Variants in RBFOX1 observed in about 807,000 individuals in gnomAD.
The protein encoded by RBFOX1 is RNA binding fox-1 homolog 1, also known as RNA binding protein fox-1 homolog 1.
RBFOX1 carries 8 observed loss-of-function variants against 57.7 expected under a neutral mutation model. That is an observed-to-expected ratio of 0.14 (90% confidence interval 0.08 to 0.25). The LOEUF is 0.25. Among genes scored for constraint, RBFOX1 ranks in the 10% least tolerant of loss-of-function variants. The pLI is 1.00. For synonymous variants in RBFOX1, 326 were observed against 222.4 expected (o/e 1.47, Z -4.15); for missense variants, 611 against 548.5 (o/e 1.11, Z -1.14).
chr16:7,301,101 A>T (rs11646661), intron 4 of RBFOX1, among the ~76,000 whole-genome samples: 2 of 151,970 alleles, frequency 1.3e-5, no homozygotes, highest in Admixed American at 1.3e-4. Context: ...CAAATTTGCT[A>T]TCCCCAGATG....
chr16:7,663,245 C>G (rs1046374236), intron 12 of RBFOX1, among the ~76,000 whole-genome samples: 2 of 152,198 alleles, frequency 1.3e-5, no homozygotes, highest in African/African-American at 4.8e-5. Flanking sequence ...TAGCTCAGGA[C>G]GATGCACACC....
intron 2 of RBFOX1, among the ~76,000 whole-genome samples, chr16:6,357,705 T>A (rs1040648231): frequency 6.6e-6 from 1 of 152,016 alleles, no homozygotes; most frequent in African/African-American, 2.4e-5. Flanking sequence ...TCCCAGCACT[T>A]TGGGAGTCCT....
chr16:7,387,335 G>A (rs1261766623), intron 4 of RBFOX1, among the ~76,000 whole-genome samples: 3 of 152,066 alleles, frequency 2.0e-5, no homozygotes, highest in Admixed American at 6.6e-5. Context: ...TGAGACCCAG[G>A]TATTTGATTA....
intron 3 of RBFOX1, among the ~76,000 whole-genome samples, chr16:6,872,935 G>C (rs2061197543): frequency 6.6e-6 from 1 of 152,216 alleles, no homozygotes; most frequent in South Asian, 2.1e-4. Flanking sequence ...CCTGACACTT[G>C]CTCTGTTTTA....
intron 14 of RBFOX1, among the ~76,000 whole-genome samples, chr16:7,677,644 T>A (rs1160320267): frequency 6.6e-6 from 1 of 152,224 alleles, no homozygotes; most frequent in Non-Finnish European, 1.5e-5. Flanking sequence ...TCATATTGAA[T>A]GCAACTCCTT....
chr16:5,359,721 G>T (rs763990753), intron 1 of RBFOX1, among the ~76,000 whole-genome samples: 5 of 152,280 alleles, frequency 3.3e-5, no homozygotes, highest in South Asian at 2.1e-4. Context: ...CTGCTGTGCA[G>T]AAGCTTTTTA....
chr16:6,136,204 G>A (rs551407502), intron 1 of RBFOX1, among the ~76,000 whole-genome samples: 2 of 152,212 alleles, frequency 1.3e-5, no homozygotes, highest in African/African-American at 4.8e-5. Context: ...CTGGAGATTC[G>A]GAGGCGATGT....
At chr16:7,064,531 G>A (rs1480110829) in intron 4 of RBFOX1, among the ~76,000 whole-genome samples, 1 of 152,032 alleles carries the variant, frequency 6.6e-6, no homozygotes, top group Non-Finnish European at 1.5e-5. Context: ...CAAACTACAT[G>A]ACCCAAAGGG....
At chr16:7,517,402 A>C (rs1372066826) in intron 4 of RBFOX1, among the ~76,000 whole-genome samples, 1 of 152,106 alleles carries the variant, frequency 6.6e-6, no homozygotes, top group Admixed American at 6.6e-5. Flanking sequence ...GGCATTGACT[A>C]ATGAGACTGA....
intron 3 of RBFOX1, among the ~76,000 whole-genome samples, chr16:6,928,377 C>T (rs1403562192): frequency 1.3e-5 from 2 of 152,012 alleles, no homozygotes; most frequent in Non-Finnish European, 2.9e-5. Context: ...ATTTCTGGAG[C>T]CAACAAAGGG....
At chr16:5,754,092 A>C (rs1165958069) in intron 3 of RBFOX1, among the ~76,000 whole-genome samples, 2 of 152,156 alleles carry the variant, frequency 1.3e-5, no homozygotes, top group East Asian at 3.9e-4. Flanking sequence ...CTTTGTGGGA[A>C]TATTAGGGGC....
chr16:5,321,224 T>G (rs576600833), intron 1 of RBFOX1, among the ~76,000 whole-genome samples: 3 of 152,112 alleles, frequency 2.0e-5, no homozygotes, highest in African/African-American at 7.2e-5. Flanking sequence ...ACTAAAAATG[T>G]CTCCAGACGT....
intron 4 of RBFOX1, among the ~76,000 whole-genome samples, chr16:5,900,313 A>G (rs1038677433): frequency 6.6e-6 from 1 of 152,198 alleles, no homozygotes; most frequent in African/African-American, 2.4e-5. Flanking sequence ...TGATTCATGA[A>G]TGCCTGTAAA....
chr16:5,557,764 T>C (rs2045734746), intron 2 of RBFOX1, among the ~76,000 whole-genome samples: 1 of 152,172 alleles, frequency 6.6e-6, no homozygotes, highest in Non-Finnish European at 1.5e-5. Flanking sequence ...CCCCCAAACC[T>C]GAAGACCCAT....
rs539888031 is a variant in RBFOX1 at position 7,049,767 on chromosome 16, C to T, written c.-15-2290C>T. Among the ~76,000 whole-genome samples the T allele has an allele frequency of 2.2e-4, 34 of 152,296 alleles. No homozygotes were observed. In the South Asian group the frequency reaches 5.8e-3, roughly 26 times the overall value. ...GCATTCTATACAGATTTCCTTGCTG[C>T]ATTCAGTGGGGGAAACAGGATGAAG... is the stretch of plus-strand genomic sequence containing the variant. On this transcript the variant is annotated intron_variant, in intron 3 of 15. Transcript: ENST00000550418.
intron 3 of RBFOX1, among the ~76,000 whole-genome samples, chr16:6,711,656 G>A (rs543056217): frequency 2.0e-5 from 3 of 152,148 alleles, no homozygotes; most frequent in Non-Finnish European, 4.4e-5. Context: ...CCCCATCCGT[G>A]TGGAACTGTG....
chr16:6,057,113 T>C lies in RBFOX1; in HGVS notation c.-127+37121T>C, dbSNP rs540821713. The C allele has an allele frequency of 5.9e-5, 9 of 152,220 alleles. No individual in the cohort carries two copies. In the South Asian group the frequency reaches 1.7e-3, roughly 28 times the overall value. 9.4% of individuals were successfully genotyped at this position (152,220 alleles called of 1,614,324 possible). On this transcript the variant is annotated intron_variant, in intron 1 of 15. Coordinates refer to ENST00000550418, the MANE Select transcript of RBFOX1 (RefSeq NM_018723.4). Reference sequence around the variant, plus strand: ...ATATTGCAATAAATCAAGTGAGTTTTTGTGATCCCTATAAGCAAAAACATA... The same window carrying C: ...ATATTGCAATAAATCAAGTGAGTTTCTGTGATCCCTATAAGCAAAAACATA...
intron 1 of RBFOX1, among the ~76,000 whole-genome samples, chr16:5,392,757 A>G (rs1405647197): frequency 6.6e-6 from 1 of 152,118 alleles, no homozygotes; most frequent in Admixed American, 6.6e-5. Context: ...CTAGGCAAGT[A>G]AAGCCTGCCC....
chr16:5,602,776 A>T (rs745385453), downstream of RBFOX1, among the ~76,000 whole-genome samples: 1 of 152,156 alleles, frequency 6.6e-6, no homozygotes, highest in African/African-American at 2.4e-5. Flanking sequence ...AATGTAATAT[A>T]GTAAGAAGCA....
Sources: allele counts gnomAD v4.1 joint callset (sites outside exome capture counted in the v4.1 genomes callset), GRCh38; gene constraint gnomAD v4.1.1; transcripts MANE v1.5; gene names NCBI Gene and HGNC (gene_info 2026-07-23, HGNC 2026-07-21).